The following NFIB variants were observed in gnomAD, a reference collection of about 807,000 sequenced individuals.
The protein encoded by NFIB is nuclear factor 1 B-type.
NFIB carries 11 observed loss-of-function variants against 61.5 expected under a neutral mutation model. The ratio of observed to expected loss-of-function variants is 0.18; its 90% CI spans 0.11 to 0.30. NFIB has a LOEUF of 0.30. Among genes scored for constraint, NFIB ranks in the 10% least tolerant of loss-of-function variants. The pLI is 1.00. For missense variants in NFIB, 471 were observed against 608.9 expected (o/e 0.77, Z 2.38); for synonymous variants, 260 against 216.5 (o/e 1.20, Z -1.76).
At chr9:14,154,897 C>T (rs1291369227) in intron 4 of NFIB, among the ~76,000 whole-genome samples, 1 of 152,090 alleles carries the variant, frequency 6.6e-6, no homozygotes, top group Non-Finnish European at 1.5e-5. Context: ...CTCAGTAACT[C>T]GATTACTCTT....
At chr9:14,396,524 T>A (rs969617871) in intron 1 of NFIB, among the ~76,000 whole-genome samples, 2 of 151,916 alleles carry the variant, frequency 1.3e-5, no homozygotes, top group African/African-American at 4.8e-5. Context: ...GGCTATAAGA[T>A]ATCTTAGGAC....
chr9:14,487,243 T>C, the NFIB span, among the ~76,000 whole-genome samples: 6 of 152,294 alleles, frequency 3.9e-5, no homozygotes, highest in Admixed American at 3.9e-4. Context: ...AGCCATAGAT[T>C]TAAGAAATAA....
intron 4 of NFIB, among the ~76,000 whole-genome samples, chr9:14,150,770 A>T (rs983516062): frequency 2.0e-5 from 3 of 152,166 alleles, no homozygotes; most frequent in South Asian, 4.1e-4. Flanking sequence ...TAATATCATG[A>T]CTTCTAATCC....
At chr9:14,493,863 CA>C in the NFIB span, among the ~76,000 whole-genome samples, 1 of 152,158 alleles carries the variant, frequency 6.6e-6, no homozygotes, top group Non-Finnish European at 1.5e-5. Context: ...TCTTTTGCGG[CA>C]AAACAATTAT....
chr9:14,387,977 T>C (rs1170840503), intron 1 of NFIB, among the ~76,000 whole-genome samples: 2 of 152,200 alleles, frequency 1.3e-5, no homozygotes, highest in Non-Finnish European at 2.9e-5. Context: ...GGCACTGCTA[T>C]ACAGAATTGT....
chr9:14,238,475 CACAA>C (rs1174372264), intron 2 of NFIB, among the ~76,000 whole-genome samples: 1 of 152,162 alleles, frequency 6.6e-6, no homozygotes, highest in African/African-American at 2.4e-5. Flanking sequence ...AGTATATGTG[CACAA>C]ACAGACAGAA....
In NFIB at chr9:14,113,084, G is replaced by A. The variant is rs2037621242; in HGVS notation, c.1385-3C>T. 2 of 1,547,964 alleles carry A rather than the reference G, an allele frequency of 1.3e-6. No homozygotes were observed. The highest frequency in any genetic ancestry group is 1.7e-6 in the Non-Finnish European group (2 of 1,145,846). ...AGATGTGCCTGAGGCTGTGTAGGCT[G>A]ATTAAGGAAGAACAAAAACAAAGAT... On this transcript the variant is annotated splice_region_variant and splice_polypyrimidine_tract_variant and intron_variant, in intron 9 of 10. Coordinates refer to ENST00000380953, the MANE Select transcript of NFIB (RefSeq NM_001190737.2).
chr9:14,512,800 C>T, the NFIB span, among the ~76,000 whole-genome samples: 87 of 151,818 alleles, frequency 5.7e-4, 1 homozygote, highest in South Asian at 0.013. Flanking sequence ...TTCTCTGTCA[C>T]GTTTTTGAAT....
chr9:14,270,188 A>G (rs1352663508), intron 2 of NFIB, among the ~76,000 whole-genome samples: 1 of 152,188 alleles, frequency 6.6e-6, no homozygotes, highest in Non-Finnish European at 1.5e-5. Context: ...AGGGAAAACA[A>G]AACTTTGTCT....
At chr9:14,321,869 G>A in intron 1 of NFIB, 2 of 1,230,078 alleles carry the variant, frequency 1.6e-6, no homozygotes, top group Non-Finnish European at 2.0e-6. Context: ...GAAAAACTGT[G>A]CCAGGGATAG....
intron 1 of NFIB, chr9:14,361,608 G>C (rs1270352546): frequency 6.6e-6 from 1 of 152,150 alleles, no homozygotes. Flanking sequence ...ATTAATTCAA[G>C]TCTACTCTCT....
chr9:14,235,974 C>T (rs1228226073), intron 2 of NFIB, among the ~76,000 whole-genome samples: 1 of 152,136 alleles, frequency 6.6e-6, no homozygotes, highest in Admixed American at 6.5e-5. Context: ...TGCATTATTT[C>T]CTAAAAGCAG....
At chr9:14,212,415 T>C (rs2050407377) in intron 2 of NFIB, among the ~76,000 whole-genome samples, 1 of 152,204 alleles carries the variant, frequency 6.6e-6, no homozygotes, top group Admixed American at 6.5e-5. Flanking sequence ...ACATTAAACA[T>C]ACTAAAGTAC....
chr9:14,177,112 A>T (rs550762229), intron 3 of NFIB, among the ~76,000 whole-genome samples: 1 of 152,270 alleles, frequency 6.6e-6, no homozygotes, highest in African/African-American at 2.4e-5. Context: ...AAGTGATTTG[A>T]TTGTTTCATT....
chr9:14,434,985 C>A, the NFIB span, among the ~76,000 whole-genome samples: 1 of 152,220 alleles, frequency 6.6e-6, no homozygotes. Context: ...AGGAGGATAT[C>A]TCTGAAGAGA....
chr9:14,213,437 A>C (rs2050523756), intron 2 of NFIB, among the ~76,000 whole-genome samples: 1 of 152,106 alleles, frequency 6.6e-6, no homozygotes, highest in African/African-American at 2.4e-5. Context: ...CACAAGAATC[A>C]CCCAGAGAGC....
intron 2 of NFIB, among the ~76,000 whole-genome samples, chr9:14,282,677 A>C (rs1341282381): frequency 2.0e-5 from 3 of 152,202 alleles, no homozygotes; most frequent in Non-Finnish European, 4.4e-5. Flanking sequence ...TCAGGAAGGC[A>C]AGAGTAGTTG....
At chr9:14,440,738 A>G in the NFIB span, among the ~76,000 whole-genome samples, 1 of 152,260 alleles carries the variant, frequency 6.6e-6, no homozygotes, top group African/African-American at 2.4e-5. Flanking sequence ...AATGAAATGA[A>G]TAGAGAATTA....
chr9:14,444,806 CAG>C, the NFIB span, among the ~76,000 whole-genome samples: 1 of 152,126 alleles, frequency 6.6e-6, no homozygotes. Context: ...CAAGTTAAAA[CAG>C]AATATTACAA....
Sources: allele counts gnomAD v4.1 joint callset (sites outside exome capture counted in the v4.1 genomes callset), GRCh38; gene constraint gnomAD v4.1.1; transcripts MANE v1.5; gene names NCBI Gene and HGNC (gene_info 2026-07-23, HGNC 2026-07-21).